The following ZNF157 variants were observed in gnomAD, a reference collection of about 807,000 sequenced individuals.
ZNF157 encodes the protein zinc finger protein 157, also known as zinc finger protein 22.
ZNF157 carries 8 observed loss-of-function variants against 9.4 expected under a neutral mutation model. The ratio of observed to expected loss-of-function variants is 0.85; its 90% CI spans 0.50 to 1.53. The LOEUF is 1.53. ZNF157 is among the 40% of genes most tolerant of loss of function. ZNF157 has a pLI of 0.00. For synonymous variants in ZNF157, 120 were observed against 130.8 expected (o/e 0.92, Z 0.56); for missense variants, 316 against 385.2 (o/e 0.82, Z 1.50).
At chrX:47,373,153 C>T (rs899733826) in intron 1 of ZNF157, among the ~76,000 whole-genome samples, 3 of 109,650 alleles carry the variant, frequency 2.7e-5, no homozygotes, top group Non-Finnish European at 5.7e-5. Flanking sequence ...GAGCCGAGGT[C>T]GCACCACTGC....
intron 1 of ZNF157, among the ~76,000 whole-genome samples, chrX:47,385,641 C>A (rs1215867049): frequency 9.2e-6 from 1 of 108,967 alleles, no homozygotes; most frequent in Admixed American, 1.0e-4. Context: ...GATCTTGGCT[C>A]ACTGCAACCT....
At chrX:47,374,509 A>T (rs1485408881) in intron 1 of ZNF157, among the ~76,000 whole-genome samples, 1 of 88,060 alleles carries the variant, frequency 1.1e-5, no homozygotes, top group Non-Finnish European at 2.2e-5. Context: ...AGCGATTCTC[A>T]TGCCTTAGCC....
chrX:47,396,212 C>T (rs1236708029), intron 1 of ZNF157, among the ~76,000 whole-genome samples: 2 of 110,459 alleles, frequency 1.8e-5, no homozygotes, highest in Non-Finnish European at 3.8e-5. Flanking sequence ...TCCAGTCCAG[C>T]CTGGGTAACG....
intron 1 of ZNF157, among the ~76,000 whole-genome samples, chrX:47,408,534 C>T (rs1181720792): frequency 9.0e-6 from 1 of 111,097 alleles, no homozygotes; most frequent in Non-Finnish European, 1.9e-5. Flanking sequence ...CCTGCCTCAG[C>T]CCCTCAAGTA....
intron 1 of ZNF157, among the ~76,000 whole-genome samples, chrX:47,374,364 C>G (rs993076624): frequency 1.3e-4 from 14 of 108,646 alleles, no homozygotes; most frequent in Non-Finnish European, 1.9e-5. Flanking sequence ...GGATTGTATG[C>G]CAAGTGCATA....
intron 1 of ZNF157, among the ~76,000 whole-genome samples, chrX:47,395,710 A>C (rs1306951030): frequency 1.8e-5 from 2 of 112,046 alleles, no homozygotes; most frequent in Middle Eastern, 9.3e-3. Flanking sequence ...CACGCCTGTA[A>C]TCCCAGCACT....
chrX:47,409,684 C>A (rs1456269226), intron 1 of ZNF157, among the ~76,000 whole-genome samples: 3 of 105,522 alleles, frequency 2.8e-5, no homozygotes, highest in Non-Finnish European at 5.8e-5. Flanking sequence ...TGCTCTGTTG[C>A]CCGAGCTGGA....
chrX:47,404,234 C>T lies in ZNF157; in HGVS notation c.73-6042C>T, dbSNP rs771417253. ...AGGCTGGAGTGCAGTGGCTTGATAT[C>T]GGCTCACTGCAACCTCCATCTCTCA... On this transcript the variant is annotated intron_variant, in intron 1 of 3. Coordinates refer to ENST00000377073, the MANE Select transcript of ZNF157 (RefSeq NM_003446.4). Among the ~76,000 whole-genome samples the T allele has an allele frequency of 7.3e-5, 8 of 109,499 alleles. No homozygotes were observed. The South Asian group carries it at 1.2e-3, about 17-fold the overall frequency.
At chrX:47,374,609 A>G (rs1459584010) in intron 1 of ZNF157, among the ~76,000 whole-genome samples, 1 of 107,481 alleles carries the variant, frequency 9.3e-6, no homozygotes, top group Non-Finnish European at 1.9e-5. Context: ...CATGTTGGCC[A>G]GACTGGTCTC....
rs1171712264 is a variant in ZNF157 at position 47,371,881 on chromosome X, A to G, written c.72+1141A>G. Among the ~76,000 whole-genome samples, 4 of 111,959 alleles carry G rather than the reference A, an allele frequency of 3.6e-5. No individual in the cohort carries two copies. In the South Asian group the frequency reaches 1.1e-3, roughly 31 times the overall value. On this transcript the variant is annotated intron_variant, in intron 1 of 3. Coordinates refer to ENST00000377073, the MANE Select transcript of ZNF157 (RefSeq NM_003446.4). ...CTCAGCCTCCCAAAGTGCTGGGATT[A>G]CAGGCGTAAGCCACCGTGCCCTGCC...
intron 1 of ZNF157, among the ~76,000 whole-genome samples, chrX:47,407,162 TGTTCAGCCAGCCTCAC>T (rs2055949736): frequency 8.9e-6 from 1 of 112,611 alleles, no homozygotes; most frequent in Non-Finnish European, 1.9e-5. Context: ...GATTTAAAAA[TGTTCAGCCAGCCTCAC>T]GTTCTCTGGA....
intron 1 of ZNF157, among the ~76,000 whole-genome samples, chrX:47,398,517 T>C (rs2055920698): frequency 1.8e-5 from 2 of 111,396 alleles, no homozygotes; most frequent in Admixed American, 1.9e-4. Context: ...TTCTTTTTTT[T>C]TGAGAGAGAG....
At chrX:47,389,982 C>T (rs1007192381) in intron 1 of ZNF157, 2 of 112,085 alleles carry the variant, frequency 1.8e-5, no homozygotes, top group Admixed American at 9.5e-5. Flanking sequence ...TTGCATTCCA[C>T]GTATTTTCAT....
intron 1 of ZNF157, among the ~76,000 whole-genome samples, chrX:47,374,591 C>T (rs1383180564): frequency 9.4e-6 from 1 of 106,465 alleles, no homozygotes; most frequent in Non-Finnish European, 1.9e-5. Context: ...GTACAGACAG[C>T]GTTTCACCAT....
At chrX:47,394,892 C>T (rs979710921) in intron 1 of ZNF157, among the ~76,000 whole-genome samples, 6 of 110,925 alleles carry the variant, frequency 5.4e-5, no homozygotes, top group Non-Finnish European at 1.1e-4. Context: ...GATCTCAGCT[C>T]ACTGCAGCCT....
At chrX:47,377,108 C>G (rs965866785) in intron 1 of ZNF157, among the ~76,000 whole-genome samples, 8 of 110,808 alleles carry the variant, frequency 7.2e-5, no homozygotes, top group African/African-American at 2.6e-4. Context: ...ATTGGCTCAT[C>G]TGATCTTGTG....
At chrX:47,386,024 T>C (rs2055878574) in intron 1 of ZNF157, among the ~76,000 whole-genome samples, 1 of 111,252 alleles carries the variant, frequency 9.0e-6, no homozygotes, top group South Asian at 3.8e-4. Flanking sequence ...TTGCTTGTTC[T>C]CTTCTGTGTC....
In ZNF157 at chrX:47,403,977, A is replaced by C. The variant is rs755191366; in HGVS notation, c.73-6299A>C. On this transcript the variant is annotated intron_variant, in intron 1 of 3. Coordinates refer to ENST00000377073, the MANE Select transcript of ZNF157 (RefSeq NM_003446.4). ...TTGAGGTCAGGAGTTGGAGACCAGCATGGCCAACATGGTGAAACCCTGTCT... is the reference window on the plus strand; with the variant it reads ...TTGAGGTCAGGAGTTGGAGACCAGCCTGGCCAACATGGTGAAACCCTGTCT... Among the ~76,000 whole-genome samples, 15 of 110,269 alleles carry C rather than the reference A, an allele frequency of 1.4e-4. No individual in the cohort carries two copies. The South Asian group carries it at 4.8e-3, about 35-fold the overall frequency.
chrX:47,383,358 A>G (rs1259103407), intron 1 of ZNF157, among the ~76,000 whole-genome samples: 2 of 68,033 alleles, frequency 2.9e-5, no homozygotes, highest in South Asian at 1.3e-3. Flanking sequence ...GGTGACAGAG[A>G]GGGACTCAGT....
Sources: allele counts gnomAD v4.1 joint callset (sites outside exome capture counted in the v4.1 genomes callset), GRCh38; gene constraint gnomAD v4.1.1; transcripts MANE v1.5; gene names NCBI Gene and HGNC (gene_info 2026-07-23, HGNC 2026-07-21).